Variants in RELB observed in about 807,000 individuals in gnomAD.
RELB encodes the protein RELB proto-oncogene, NF-kB subunit, also known as transcription factor RelB.
RELB carries 14 observed loss-of-function variants against 55.4 expected under a neutral mutation model. That is an observed-to-expected ratio of 0.25 (90% CI 0.17 to 0.40). The LOEUF (loss-of-function observed/expected upper bound fraction) is 0.40. Ranked by LOEUF, RELB falls within the 10% of genes least tolerant of loss-of-function variation. The pLI is 1.00. For missense variants in RELB, 669 were observed against 830.7 expected, an observed-to-expected ratio of 0.81 and a Z score of 2.39; for synonymous variants, 409 against 371.3, an observed-to-expected ratio of 1.10 and a Z score of -1.17.
chr19:45,003,915 G>GTTTTTTTTGTTTTTT (rs1971247969), intron 2 of RELB, among the ~76,000 whole-genome samples: 1 of 63,574 alleles, frequency 1.6e-5, no homozygotes, highest in Admixed American at 2.6e-4. Flanking sequence ...TGTTTTTTGT[G>GTTTTTTTTGTTTTTT]TTTTTTTTTT....
At chr19:45,007,816 CCA>C (rs3068574) in intron 2 of RELB, among the ~76,000 whole-genome samples, 53,051 of 150,286 alleles carry the variant, frequency 0.35, 10,500 homozygotes, top group Non-Finnish European at 0.46. Context: ...CAAGAATGCA[CCA>C]CACTGTACTC....
chr19:45,036,081 C>T (rs1971682713), intron 11 of RELB, among the ~76,000 whole-genome samples: 1 of 152,064 alleles, frequency 6.6e-6, no homozygotes, highest in Non-Finnish European at 1.5e-5. Flanking sequence ...AAGAGAGTCC[C>T]TCTTTTTTTT....
intron 2 of RELB, among the ~76,000 whole-genome samples, chr19:45,005,940 T>C (rs1018796719): frequency 2.6e-5 from 4 of 152,118 alleles, no homozygotes; most frequent in African/African-American, 9.7e-5. Context: ...CCTAGATCTT[T>C]GGTTTCAAAT....
chr19:45,020,928 G>A (rs557487383), intron 4 of RELB, among the ~76,000 whole-genome samples: 60 of 152,168 alleles, frequency 3.9e-4, no homozygotes, highest in African/African-American at 1.4e-3. Flanking sequence ...TCATCCCAGC[G>A]CTTTAGGAGG....
chr19:45,029,127 C>A, intron 8 of RELB, 135 bp downstream of exon 8: 1 of 641,006 alleles, frequency 1.6e-6, no homozygotes, highest in Non-Finnish European at 2.8e-6. Context: ...GTCCAGAACA[C>A]TGTCTTTGCA....
At chr19:45,028,066 G>T (rs895151588) in intron 7 of RELB, among the ~76,000 whole-genome samples, 1 of 152,018 alleles carries the variant, frequency 6.6e-6, no homozygotes, top group Admixed American at 6.6e-5. Context: ...TTAAAACTTT[G>T]TAGAGCTAGA....
chr19:45,021,171 G>C (rs1462297512), intron 4 of RELB, among the ~76,000 whole-genome samples: 1 of 151,654 alleles, frequency 6.6e-6, no homozygotes, highest in Non-Finnish European at 1.5e-5. Context: ...GCGAGACCCT[G>C]TCACAAAAAA....
In RELB at chr19:45,032,560, G is replaced by T; in HGVS notation, c.1018G>T (p.Ala340Ser). 2 of 1,613,248 alleles carry T rather than the reference G, an allele frequency of 1.2e-6. No homozygotes were observed. Among genetic ancestry groups the T allele is most frequent in the Non-Finnish European group, 1.7e-6 (2 of 1,179,642 alleles). ...GGACATATCAGTGGTGTTCAGCAGGGCCTCCTGGGAAGGTCGGGCTGACTT... is the reference window on the plus strand; with the variant it reads ...GGACATATCAGTGGTGTTCAGCAGGTCCTCCTGGGAAGGTCGGGCTGACTT... The part of the protein sequence containing the change: ...KEDISVVFSR[A>S]SWEGRADFSQ... The change falls in exon 9 of 12, where the codon GCC becomes TCC. Residue 340 changes from alanine to serine, a missense_variant. Ala to Ser is a moderately conservative substitution (Grantham distance 99). This residue lies in a region of RELB where 341 missense variants were observed against 436.8 expected (regional missense o/e 0.78). Transcript: ENST00000221452.
Position 45,021,138 on chromosome 19 carries a change from C to G in RELB, c.505-915C>G, listed in dbSNP as rs547736346. On this transcript the variant is annotated intron_variant, in intron 4 of 11. Transcript: ENST00000221452. ...GCAGTGAGCTGAGATCTCCCGCCAC[C>G]GCACTCTAGCTTAGGTGATACAGCG... Among the ~76,000 whole-genome samples the G allele has an allele frequency of 5.9e-5, 9 of 151,472 alleles. No individual in the cohort carries two copies. The East Asian group carries it at 1.6e-3, about 26-fold the overall frequency.
intron 5 of RELB, among the ~76,000 whole-genome samples, chr19:45,024,398 C>T (rs1971531732): frequency 6.7e-6 from 1 of 148,754 alleles, no homozygotes; most frequent in Non-Finnish European, 1.5e-5. Flanking sequence ...TCCTGACCTC[C>T]TGATCTGCCC....
intron 7 of RELB, among the ~76,000 whole-genome samples, chr19:45,027,795 C>G (rs970887647): frequency 1.3e-5 from 2 of 152,070 alleles, no homozygotes; most frequent in African/African-American, 2.4e-5. Context: ...CTATCAAACT[C>G]TCCTCAAGGA....
intron 11 of RELB, among the ~76,000 whole-genome samples, chr19:45,036,043 G>T (rs1389938775): frequency 6.6e-6 from 1 of 152,130 alleles, no homozygotes; most frequent in Non-Finnish European, 1.5e-5. Flanking sequence ...ATAGTCCCTT[G>T]TGTCTCTAAG....
chr19:45,009,922 G>T, intron 3 of RELB, 100 bp downstream of exon 3: 1 of 1,181,544 alleles, frequency 8.5e-7, no homozygotes, highest in Non-Finnish European at 1.2e-6. Context: ...GGGGAGAGGT[G>T]TCACTGTGTG....
intron 6 of RELB, 29 bp from the exon 7 acceptor site, chr19:45,025,577 C>G (rs1971548776): frequency 6.2e-7 from 1 of 1,613,614 alleles, no homozygotes; most frequent in African/African-American, 1.3e-5. Flanking sequence ...CACTTCCCAC[C>G]CTCAGCCTCC....
chr19:45,034,367 G>A (rs371369963), intron 10 of RELB, 55 bp downstream of exon 10: 4 of 1,606,436 alleles, frequency 2.5e-6, no homozygotes, highest in Non-Finnish European at 3.4e-6. Context: ...GGAGGGGACA[G>A]CTGACCCCAC....
intron 7 of RELB, 107 bp from the exon 8 acceptor site, chr19:45,028,781 C>A: frequency 2.5e-6 from 2 of 793,516 alleles, no homozygotes; most frequent in Non-Finnish European, 2.1e-6. Flanking sequence ...CAATTCCCTA[C>A]GTCTCCAGGG....
At chr19:45,016,291 C>G (rs1320470366) in intron 4 of RELB, among the ~76,000 whole-genome samples, 1 of 151,994 alleles carries the variant, frequency 6.6e-6, no homozygotes, top group African/African-American at 2.4e-5. Context: ...GGCCAAAACT[C>G]CATATTTTAC....
At chr19:45,002,875 G>A in intron 1 of RELB, 74 bp from the exon 2 acceptor site, 1 of 1,290,650 alleles carries the variant, frequency 7.7e-7, no homozygotes, top group East Asian at 2.4e-5. Context: ...GGAAGGGGTG[G>A]GGCTTCCTTG....
chr19:45,011,789 TGTGTGTGTGAGAGAGAGAGAGAGAGAGA>T (rs1317100558), intron 3 of RELB, 119 bp from the exon 4 acceptor site: 3 of 307,220 alleles, frequency 9.8e-6, no homozygotes, highest in African/African-American at 1.1e-4. Flanking sequence ...TGTGTGTGTG[TGTGTGTGTGAGAGAGAGAGAGAGAGAGA>T]GAGAGAGAGA....
Sources: allele counts gnomAD v4.1 joint callset (sites outside exome capture counted in the v4.1 genomes callset), GRCh38; gene constraint gnomAD v4.1.1; regional missense constraint gnomAD v4.1.1; transcripts MANE v1.5; gene names NCBI Gene and HGNC (gene_info 2026-07-23, HGNC 2026-07-21).